SLC6A2: variants seen among roughly 807,000 people sequenced by gnomAD.
SLC6A2 encodes solute carrier family 6 member 2.
In SLC6A2, 26 loss-of-function variants were observed where a neutral mutation model predicts 71.7. That is an observed-to-expected ratio of 0.36 (90% confidence interval 0.27 to 0.50). The LOEUF (loss-of-function observed/expected upper bound fraction) is 0.50, where lower values mean the gene tolerates loss of function less well. SLC6A2 is among the 20% of genes least tolerant of loss of function. SLC6A2 has a pLI of 0.96. For synonymous variants in SLC6A2, 363 were observed against 337.9 expected (o/e 1.07, Z -0.82); for missense variants, 581 against 803.9 (o/e 0.72, Z 3.35).
Position 55,705,036 on chromosome 16 carries a change from G to C in SLC6A2, c.*2690G>C. On this transcript the variant is annotated 3_prime_UTR_variant, in exon 15 of 15. Transcript: ENST00000568943. ...TTTTTGTAGCTTGTTTTTAATAGCA[G>C]AGGTCACCCGGGACAAGGGTGCTGT... is the stretch of plus-strand genomic sequence containing the variant. 3 of 512,384 alleles carry C rather than the reference G, an allele frequency of 5.9e-6. No homozygotes were observed. Among genetic ancestry groups the C allele is most frequent in the Non-Finnish European group, 1.0e-5 (3 of 291,220 alleles). 31.7% of individuals were successfully genotyped at this position (512,384 alleles called of 1,614,324 possible).
chr16:55,690,600 G>T (rs1328293274), intron 5 of SLC6A2, among the ~76,000 whole-genome samples: 1 of 152,072 alleles, frequency 6.6e-6, no homozygotes, highest in Non-Finnish European at 1.5e-5. Context: ...CTTGACCTTA[G>T]CCTGATTTTT....
intron 2 of SLC6A2, among the ~76,000 whole-genome samples, chr16:55,662,427 G>A (rs1472955353): frequency 6.6e-6 from 1 of 152,144 alleles, no homozygotes; most frequent in Non-Finnish European, 1.5e-5. Flanking sequence ...TGCCTTTAAG[G>A]GGCTCATGAT....
intron 11 of SLC6A2, 146 bp from the exon 12 acceptor site, chr16:55,699,408 G>C (rs1965900195): frequency 1.4e-6 from 1 of 706,386 alleles, no homozygotes; most frequent in South Asian, 1.5e-5. Context: ...CATTACAAAG[G>C]GCCCATCCCC....
chr16:55,671,011 G>A (rs1484506727), intron 3 of SLC6A2, among the ~76,000 whole-genome samples: 10 of 152,220 alleles, frequency 6.6e-5, no homozygotes, highest in Admixed American at 3.9e-4. Flanking sequence ...TGAGGAACAC[G>A]ATACTGGCAC....
chr16:55,665,337 G>A (rs1265878863), intron 2 of SLC6A2, among the ~76,000 whole-genome samples: 1 of 152,132 alleles, frequency 6.6e-6, no homozygotes, highest in African/African-American at 2.4e-5. Context: ...TTCTCCTGAT[G>A]CCTACTGTGC....
chr16:55,678,940 T>A (rs149380979), intron 4 of SLC6A2, among the ~76,000 whole-genome samples: 1 of 152,196 alleles, frequency 6.6e-6, no homozygotes, highest in Non-Finnish European at 1.5e-5. Context: ...TTTTCACTGA[T>A]GAAATACCTA....
intron 14 of SLC6A2, 88 bp downstream of exon 14, chr16:55,702,022 C>T: frequency 9.3e-7 from 1 of 1,077,800 alleles, no homozygotes; most frequent in Non-Finnish European, 1.4e-6. Context: ...CTAGACATCA[C>T]ATCCAGAAAA....
intron 2 of SLC6A2, among the ~76,000 whole-genome samples, chr16:55,663,077 C>A (rs1964653311): frequency 6.6e-6 from 1 of 152,210 alleles, no homozygotes; most frequent in Non-Finnish European, 1.5e-5. Flanking sequence ...TACTGTGCTT[C>A]TGACCCACTG....
rs11568323 is a variant in SLC6A2, at chr16:55,656,715, C to T, written c.21C>T (p.Asn7=). 1.2e-6 allele frequency: 2 copies of T among 1,612,658 alleles called. No homozygotes were observed. The highest frequency in any genetic ancestry group is 2.2e-5 in the East Asian group (1 of 44,840). Reference sequence around the variant, plus strand: ...CATCCATGCTTCTGGCGCGGATGAACCCGCAGGTGCAGCCCGAGAACAACG... The same window carrying T: ...CATCCATGCTTCTGGCGCGGATGAATCCGCAGGTGCAGCCCGAGAACAACG... MLLARM[N]PQVQPENNGA... Residue 7 remains asparagine, a synonymous_variant, in exon 2 of 15, where the codon AAC becomes AAT. Transcript: ENST00000568943. The surrounding 1 kb of genome is among the most constrained non-coding windows in gnomAD (Gnocchi z 4.5).
In SLC6A2 at chr16:55,703,920, G is replaced by A; in HGVS notation, c.*1574G>A. 7.0e-6 allele frequency: 3 copies of A among 427,450 alleles called. No homozygotes were observed. Among genetic ancestry groups the A allele is most frequent in the African/African-American group, 2.2e-5 (1 of 46,228 alleles). The allele number at this position is 427,450 out of a possible 1,614,324, so 26.5% of individuals were successfully genotyped here. A position where few individuals can be genotyped will look rare whatever the true frequency, so the allele number is the denominator to read the frequency against. On this transcript the variant is annotated 3_prime_UTR_variant, in exon 15 of 15. Transcript: ENST00000568943. The stretch of plus-strand genomic sequence containing the variant: ...GGTCCTGAGGTTTCCTTGCTGGGTC[G>A]GGGTCCTCAGGTCATTCTATAGATA...
At chr16:55,702,082 G>A in intron 14 of SLC6A2, 148 bp downstream of exon 14, 1 of 790,206 alleles carries the variant, frequency 1.3e-6, no homozygotes. Context: ...CATCGGGATG[G>A]GGGACAGGGA....
chr16:55,676,516 A>C (rs1400611594), intron 4 of SLC6A2, among the ~76,000 whole-genome samples: 3 of 152,166 alleles, frequency 2.0e-5, no homozygotes, highest in African/African-American at 7.2e-5. Flanking sequence ...GAGAGTGCGC[A>C]TCTCCCATTT....
intron 4 of SLC6A2, among the ~76,000 whole-genome samples, chr16:55,677,306 G>A (rs1315334739): frequency 1.4e-5 from 2 of 141,496 alleles, no homozygotes; most frequent in African/African-American, 3.2e-5. Context: ...GCCGACACAT[G>A]TGATTGGTTG....
At chr16:55,662,730 G>A (rs1964642669) in intron 2 of SLC6A2, among the ~76,000 whole-genome samples, 1 of 152,156 alleles carries the variant, frequency 6.6e-6, no homozygotes, top group East Asian at 1.9e-4. Flanking sequence ...GGGGTAGCCC[G>A]GCGCCAGTTT....
At chr16:55,666,248 C>T (rs1964746369) in intron 2 of SLC6A2, among the ~76,000 whole-genome samples, 1 of 152,228 alleles carries the variant, frequency 6.6e-6, no homozygotes, top group Non-Finnish European at 1.5e-5. Context: ...GGAGATGGAG[C>T]AGGACCACAC....
intron 4 of SLC6A2, among the ~76,000 whole-genome samples, chr16:55,678,871 G>A (rs1965179216): frequency 6.6e-6 from 1 of 152,198 alleles, no homozygotes; most frequent in Non-Finnish European, 1.5e-5. Context: ...TGGGCCTGCT[G>A]GGGGAAGGAG....
rs1965876657 is a variant in SLC6A2, at chr16:55,698,701, C to T, written c.1489+133C>T. 3 of 725,876 alleles carry T rather than the reference C, an allele frequency of 4.1e-6. No individual in the cohort carries two copies. In the African/African-American group the frequency reaches 5.2e-5, roughly 13 times the overall value. The allele number at this position is 725,876 out of a possible 1,614,324, so 45.0% of individuals were successfully genotyped here. Reference sequence around the variant, plus strand: ...AGTCCAGCAAGTCACTTATTGGGAACAAATCTCAATCCTCGGCTCATCTTT... The same window carrying T: ...AGTCCAGCAAGTCACTTATTGGGAATAAATCTCAATCCTCGGCTCATCTTT... On this transcript the variant is annotated intron_variant, in intron 11 of 14. Transcript: ENST00000568943.
intron 6 of SLC6A2, among the ~76,000 whole-genome samples, chr16:55,693,212 C>G (rs900630510): frequency 1.9e-4 from 29 of 152,132 alleles, no homozygotes; most frequent in Admixed American, 4.6e-4. Context: ...CATGGGGAAA[C>G]CCCGTCTCTA....
intron 6 of SLC6A2, 144 bp from the exon 7 acceptor site, chr16:55,693,866 G>A (rs1965713475): frequency 2.7e-6 from 2 of 734,744 alleles, no homozygotes; most frequent in Non-Finnish European, 2.5e-6. Context: ...AGGGGAGGGA[G>A]TTGCCAGGGC....
Sources: allele counts gnomAD v4.1 joint callset (sites outside exome capture counted in the v4.1 genomes callset), GRCh38; gene constraint gnomAD v4.1.1; non-coding constraint Gnocchi (gnomAD v3.1); transcripts MANE v1.5; gene names NCBI Gene and HGNC (gene_info 2026-07-23, HGNC 2026-07-21).